SUN5: variants seen among roughly 807,000 people sequenced by gnomAD.
SUN5 encodes the protein Sad1 and UNC84 domain containing 5.
Under a neutral mutation model 53.7 loss-of-function variants are expected in SUN5, and 44 were observed. The ratio of observed to expected loss-of-function variants is 0.82; its 90% CI spans 0.64 to 1.05. The LOEUF is 1.05. Among genes scored for constraint, SUN5 ranks in the 50% least tolerant of loss-of-function variants. SUN5 has a pLI of 0.00. For missense variants in SUN5, 433 were observed against 483.8 expected, an observed-to-expected ratio of 0.90 and a Z score of 0.98; for synonymous variants, 166 against 179.8, an observed-to-expected ratio of 0.92 and a Z score of 0.62.
intron 6 of SUN5, among the ~76,000 whole-genome samples, chr20:32,997,284 A>G (rs1382728863): frequency 1.3e-5 from 2 of 152,216 alleles, no homozygotes; most frequent in East Asian, 1.9e-4. Context: ...GCAAATGAGT[A>G]TCATTGCTGT....
intron 10 of SUN5, 30 bp downstream of exon 10, chr20:32,987,630 C>G (rs1006824998): frequency 6.4e-7 from 1 of 1,551,500 alleles, no homozygotes; most frequent in South Asian, 1.2e-5. Flanking sequence ...ACTCCCCTGC[C>G]GCTGTCCCAT....
chr20:32,984,522 A>T (rs1195105912), intron 12 of SUN5, among the ~76,000 whole-genome samples: 2 of 152,224 alleles, frequency 1.3e-5, no homozygotes, highest in Admixed American at 1.3e-4. Flanking sequence ...AGGGAATGAC[A>T]GAAGGGGAAA....
rs753754065 is a variant in SUN5 at position 32,989,584 on chromosome 20, TG to T, written c.613+35del. ...CCTGTGTACAGCTTCCCAGGACACT[TG>T]AGGCAGTCAGATGGTGGGGAAGGGG... is the stretch of plus-strand genomic sequence containing the variant. On this transcript the variant is annotated intron_variant, in intron 9 of 12. Transcript: ENST00000356173. The T allele has an allele frequency of 5.8e-5, 93 of 1,593,436 alleles. No individual in the cohort carries two copies. The Admixed American group carries it at 9.2e-4, about 16-fold the overall frequency.
intron 12 of SUN5, 73 bp downstream of exon 12, chr20:32,985,025 GA>G: frequency 4.7e-6 from 7 of 1,490,760 alleles, no homozygotes; most frequent in Non-Finnish European, 6.5e-6. Context: ...GGGGGATGAA[GA>G]GGGGGTCCCT....
At chr20:32,992,894 C>T (rs907291468) in intron 8 of SUN5, among the ~76,000 whole-genome samples, 6 of 152,178 alleles carry the variant, frequency 3.9e-5, no homozygotes, top group Non-Finnish European at 7.3e-5. Flanking sequence ...GTAAAAAAGA[C>T]ATATGACACC....
chr20:33,004,392 G>A lies in SUN5; in HGVS notation c.-52C>T, dbSNP rs1990132430. The A allele has an allele frequency of 2.0e-6, 3 of 1,514,532 alleles. No individual in the cohort carries two copies. The highest frequency in any genetic ancestry group is 4.4e-5 in the Admixed American group (2 of 45,736). 93.8% of individuals were successfully genotyped at this position (1,514,532 alleles called of 1,614,324 possible). A position where few individuals can be genotyped will look rare whatever the true frequency, so the allele number is the denominator to read the frequency against. On this transcript the variant is annotated 5_prime_UTR_variant, in exon 1 of 13. Coordinates refer to ENST00000356173, the MANE Select transcript of SUN5 (RefSeq NM_080675.4). ...GGAGATGGGAACTCTGGGAGCTGGT[G>A]AGGAGGAAGGGGCTGATGCCTCTGA...
chr20:32,987,114 G>C (rs376236461), intron 10 of SUN5, among the ~76,000 whole-genome samples: 18 of 152,354 alleles, frequency 1.2e-4, no homozygotes, highest in African/African-American at 4.3e-4. Context: ...TTTGTGACCA[G>C]GACAAGCCCT....
At chr20:32,992,455 G>A (rs1030101058) in intron 8 of SUN5, among the ~76,000 whole-genome samples, 2 of 152,182 alleles carry the variant, frequency 1.3e-5, no homozygotes, top group African/African-American at 4.8e-5. Context: ...CTCTCACTCT[G>A]AGAAGCTGAG....
chr20:32,992,072 A>G (rs1194848081), intron 8 of SUN5, among the ~76,000 whole-genome samples: 1 of 152,190 alleles, frequency 6.6e-6, no homozygotes, highest in Non-Finnish European at 1.5e-5. Context: ...CCCAGCACAG[A>G]TAGTTTTTTC....
intron 9 of SUN5, 65 bp from the exon 10 acceptor site, chr20:32,987,840 G>T: frequency 7.6e-7 from 1 of 1,317,120 alleles, no homozygotes; most frequent in Non-Finnish European, 1.1e-6. Flanking sequence ...GGACGCCACT[G>T]ATGGGCCCTG....
intron 5 of SUN5, among the ~76,000 whole-genome samples, chr20:32,997,947 C>T (rs781225035): frequency 1.9e-4 from 29 of 152,134 alleles, no homozygotes; most frequent in Non-Finnish European, 8.8e-5. Context: ...CTCCCCCTTC[C>T]CTGTTCCAAC....
intron 1 of SUN5, among the ~76,000 whole-genome samples, chr20:33,003,360 T>C (rs574495178): frequency 1.3e-4 from 20 of 152,024 alleles, no homozygotes; most frequent in Non-Finnish European, 2.9e-4. Flanking sequence ...GGTTTAGGAT[T>C]AGCTAAATGA....
At position 33,002,844 on chromosome 20, in the gene SUN5, C is replaced by T. The variant is rs1990088844; in HGVS notation, c.136+17G>A. ...TCAGCTGCCCATGAAAATACCAGGG[C>T]ACCTGTCCTTGCTCACTCATGTTTG... On this transcript the variant is annotated intron_variant, in intron 2 of 12. Transcript: ENST00000356173. 3.1e-6 allele frequency: 5 copies of T among 1,613,836 alleles called. No individual in the cohort carries two copies. The highest frequency in any genetic ancestry group is 2.2e-5 in the South Asian group (2 of 91,070).
At chr20:32,996,592 A>G (rs555340782) in intron 6 of SUN5, among the ~76,000 whole-genome samples, 2 of 146,358 alleles carry the variant, frequency 1.4e-5, no homozygotes, top group Non-Finnish European at 3.0e-5. Flanking sequence ...ATCCACCCTT[A>G]TACCCACCCA....
At chr20:32,996,446 T>C in intron 6 of SUN5, 88 bp from the exon 7 acceptor site, 1 of 1,204,388 alleles carries the variant, frequency 8.3e-7, no homozygotes, top group Admixed American at 1.9e-5. Flanking sequence ...CTCCCACAAT[T>C]ATAAACCCAT....
chr20:32,986,777 G>A (rs918142502), intron 10 of SUN5, among the ~76,000 whole-genome samples: 6 of 152,200 alleles, frequency 3.9e-5, no homozygotes, highest in African/African-American at 1.2e-4. Context: ...TGCAGCCAGC[G>A]CTTTGCAACC....
At chr20:32,986,353 G>A (rs969789555) in intron 10 of SUN5, among the ~76,000 whole-genome samples, 2 of 152,182 alleles carry the variant, frequency 1.3e-5, no homozygotes, top group African/African-American at 4.8e-5. Flanking sequence ...GCAGCCCAGG[G>A]AATCTGACCT....
In SUN5 at chr20:33,002,618, T is replaced by C; in HGVS notation, c.180A>G (p.Leu60=). ...LLPVRNNDQA[L]GLTQCMLGCV... Reference sequence around the variant, plus strand: ...ATCCCAGCATGCACTGAGTCAGGCCTAGGGCTTGGTCATTGTTGCGGACAG... The same window carrying C: ...ATCCCAGCATGCACTGAGTCAGGCCCAGGGCTTGGTCATTGTTGCGGACAG... Residue 60 remains leucine, a synonymous_variant, in exon 3 of 13, where the codon CTA becomes CTG. Coordinates refer to ENST00000356173, the MANE Select transcript of SUN5 (RefSeq NM_080675.4). The C allele has an allele frequency of 6.2e-7, 1 of 1,614,224 alleles. No homozygotes were observed. Among genetic ancestry groups the C allele is most frequent in the East Asian group, 2.2e-5 (1 of 44,880 alleles).
chr20:32,993,070 T>C (rs1162790511), intron 8 of SUN5, among the ~76,000 whole-genome samples: 1 of 148,116 alleles, frequency 6.8e-6, no homozygotes, highest in Non-Finnish European at 1.5e-5. Flanking sequence ...TAAGTATATA[T>C]GTTCACCCAA....
Sources: gnomAD v4.1 joint callset for allele counts (sites outside exome capture counted in the v4.1 genomes callset) on GRCh38, gnomAD v4.1.1 for gene constraint, MANE v1.5 for transcripts, NCBI Gene and HGNC (gene_info 2026-07-23, HGNC 2026-07-21) for gene names.